BACH2: variants seen among roughly 807,000 people sequenced by gnomAD.
BACH2 encodes the protein transcription regulator protein BACH2.
BACH2 carries 5 observed loss-of-function variants against 61.8 expected under a neutral mutation model. The observed-to-expected ratio is 0.08, with a 90% CI of 0.04 to 0.17. The LOEUF is 0.17. BACH2 is among the 10% of genes least tolerant of loss of function. BACH2 has a pLI of 1.00. For synonymous variants in BACH2, 446 were observed against 440.1 expected (o/e 1.01, Z -0.17); for missense variants, 824 against 1,091.1 (o/e 0.76, Z 3.45).
chr6:90,215,644 G>C (rs1267222910), intron 3 of BACH2, among the ~76,000 whole-genome samples: 1 of 152,158 alleles, frequency 6.6e-6, no homozygotes, highest in Non-Finnish European at 1.5e-5. Flanking sequence ...CATTCTGCCA[G>C]AATTGGGTTC....
At chr6:90,258,847 C>A (rs1771067266) in intron 2 of BACH2, among the ~76,000 whole-genome samples, 1 of 151,852 alleles carries the variant, frequency 6.6e-6, no homozygotes. Flanking sequence ...TCTTCATGTT[C>A]TTTTCAAACA....
intron 4 of BACH2, among the ~76,000 whole-genome samples, chr6:90,095,173 A>C (rs1229965304): frequency 6.6e-6 from 1 of 152,140 alleles, no homozygotes; most frequent in Admixed American, 6.5e-5. Flanking sequence ...AGGGGTTCAA[A>C]AGGAAAGAGG....
intron 4 of BACH2, among the ~76,000 whole-genome samples, chr6:90,089,615 T>C (rs556866433): frequency 1.3e-5 from 2 of 152,142 alleles, no homozygotes; most frequent in African/African-American, 4.8e-5. Context: ...TTCAGATAAC[T>C]TAATACATGC....
intron 4 of BACH2, among the ~76,000 whole-genome samples, chr6:90,193,758 C>T (rs949300745): frequency 1.8e-4 from 27 of 152,120 alleles, no homozygotes; most frequent in African/African-American, 6.3e-4. Flanking sequence ...ATCTGTTATA[C>T]CAGCTGTCAT....
At chr6:90,012,614 G>A (rs1373214469) in intron 5 of BACH2, among the ~76,000 whole-genome samples, 1 of 149,082 alleles carries the variant, frequency 6.7e-6, no homozygotes, top group Non-Finnish European at 1.5e-5. Flanking sequence ...GGGCGACAGA[G>A]CAAGACTCCA....
intron 4 of BACH2, among the ~76,000 whole-genome samples, chr6:90,105,100 T>C (rs1782843368): frequency 6.6e-6 from 1 of 152,214 alleles, no homozygotes; most frequent in Non-Finnish European, 1.5e-5. Flanking sequence ...CAGCCAGACC[T>C]GTCCAGAGCC....
intron 4 of BACH2, among the ~76,000 whole-genome samples, chr6:90,094,607 G>A (rs1354789465): frequency 6.6e-6 from 1 of 152,124 alleles, no homozygotes; most frequent in Non-Finnish European, 1.5e-5. Context: ...CTTCAAGGAC[G>A]GGACACTGCA....
intron 4 of BACH2, among the ~76,000 whole-genome samples, chr6:90,109,509 C>T (rs1783073002): frequency 6.6e-6 from 1 of 152,148 alleles, no homozygotes; most frequent in Non-Finnish European, 1.5e-5. Flanking sequence ...GTTTTTGTCA[C>T]CTATATGCTG....
chr6:89,949,323 G>C (rs1357443217), intron 7 of BACH2, among the ~76,000 whole-genome samples: 1 of 152,118 alleles, frequency 6.6e-6, no homozygotes, highest in Non-Finnish European at 1.5e-5. Context: ...CTGAGACACA[G>C]GTAGCAGTCT....
At position 90,036,003 on chromosome 6, in the gene BACH2, G is replaced by A. The variant is rs1562388669; in HGVS notation, c.-12-27147C>T. 2.6e-5 allele frequency among the ~76,000 whole-genome samples: 4 copies of A among 151,840 alleles called. 1 individual carries two copies. In the South Asian group the frequency reaches 8.3e-4, roughly 32 times the overall value. ...CCATTTACTTACATTTCATTTCTAC[G>A]AAGGGGTTATGTGTAAGATTGGGGG... On this transcript the variant is annotated intron_variant, in intron 5 of 8. Coordinates refer to ENST00000257749, the MANE Select transcript of BACH2 (RefSeq NM_021813.4).
Position 90,016,947 on chromosome 6 carries a change from G to A in BACH2, c.-12-8091C>T, listed in dbSNP as rs529488937. On this transcript the variant is annotated intron_variant, in intron 5 of 8. Coordinates refer to ENST00000257749, the MANE Select transcript of BACH2 (RefSeq NM_021813.4). Reference sequence around the variant, plus strand: ...TTTTCTTCTCCTCTGTTGCCTTTAGGACTTTTTCTTGATCACTTGTTTTGA... The same window carrying A: ...TTTTCTTCTCCTCTGTTGCCTTTAGAACTTTTTCTTGATCACTTGTTTTGA... Among the ~76,000 whole-genome samples, 7 of 151,922 alleles carry A rather than the reference G, an allele frequency of 4.6e-5. 1 individual carries two copies. The South Asian group carries it at 1.2e-3, about 27-fold the overall frequency.
intron 2 of BACH2, among the ~76,000 whole-genome samples, chr6:90,254,061 A>G (rs1245901020): frequency 1.3e-5 from 2 of 152,132 alleles, no homozygotes; most frequent in Non-Finnish European, 2.9e-5. Flanking sequence ...GAATGCAGGT[A>G]ATTTAGCAAC....
intron 6 of BACH2, among the ~76,000 whole-genome samples, chr6:89,966,592 C>T (rs1221826251): frequency 6.6e-6 from 1 of 152,230 alleles, no homozygotes; most frequent in African/African-American, 2.4e-5. Flanking sequence ...TCACCCACTT[C>T]CCCTCCCTGC....
chr6:89,998,406 TAC>T (rs1219777711), intron 6 of BACH2, among the ~76,000 whole-genome samples: 5 of 152,188 alleles, frequency 3.3e-5, no homozygotes, highest in African/African-American at 1.2e-4. Context: ...CAATGTCAGT[TAC>T]AGAGACTGTC....
rs149276986 is a variant in BACH2, at chr6:90,089,582, G to A, written c.-161-473C>T. Reference sequence around the variant, plus strand: ...TTCCCTGATGCCTCAAATGTGTTTCGTTTTAAAATTAATATTTATTTTTTC... The same window carrying A: ...TTCCCTGATGCCTCAAATGTGTTTCATTTTAAAATTAATATTTATTTTTTC... On this transcript the variant is annotated intron_variant, in intron 4 of 8. Coordinates refer to ENST00000257749, the MANE Select transcript of BACH2 (RefSeq NM_021813.4). 3.7e-3 allele frequency among the ~76,000 whole-genome samples: 568 copies of A among 152,088 alleles called. 5 individuals carry two copies. Among genetic ancestry groups the A allele is most frequent in the Middle Eastern group, 6.8e-3 (2 of 294 alleles).
chr6:89,970,593 T>A (rs1048587781), intron 6 of BACH2, among the ~76,000 whole-genome samples: 1 of 152,256 alleles, frequency 6.6e-6, no homozygotes. Context: ...AAGAACATTT[T>A]ATTTCTCAGA....
chr6:90,173,794 A>G (rs1767896970), intron 4 of BACH2, among the ~76,000 whole-genome samples: 2 of 152,178 alleles, frequency 1.3e-5, no homozygotes, highest in African/African-American at 4.8e-5. Context: ...ATCAAACTGT[A>G]CACTTAAAAT....
At chr6:90,120,408 A>G (rs953074715) in intron 4 of BACH2, among the ~76,000 whole-genome samples, 1 of 152,262 alleles carries the variant, frequency 6.6e-6, no homozygotes, top group Non-Finnish European at 1.5e-5. Flanking sequence ...TTATTAAAAT[A>G]AACCATTAGG....
chr6:90,030,331 G>T (rs905686910), intron 5 of BACH2, among the ~76,000 whole-genome samples: 28 of 152,240 alleles, frequency 1.8e-4, no homozygotes, highest in Non-Finnish European at 7.4e-5. Context: ...GCTGCCCTGG[G>T]AGTAGACGTG....
Sources: gnomAD v4.1 joint callset for allele counts (sites outside exome capture counted in the v4.1 genomes callset) on GRCh38, gnomAD v4.1.1 for gene constraint, MANE v1.5 for transcripts, NCBI Gene and HGNC (gene_info 2026-07-23, HGNC 2026-07-21) for gene names.